KDM3A: variants seen among roughly 807,000 people sequenced by gnomAD.
KDM3A encodes the protein lysine-specific demethylase 3A.
In KDM3A, 60 loss-of-function variants were observed where a neutral mutation model predicts 158.0. The ratio of observed to expected loss-of-function variants is 0.38; its 90% CI spans 0.31 to 0.47. The LOEUF (loss-of-function observed/expected upper bound fraction) is 0.47, where lower values mean the gene tolerates loss of function less well. Ranked by LOEUF, KDM3A falls within the 20% of genes least tolerant of loss-of-function variation. KDM3A has a pLI of 0.99. For missense variants in KDM3A, 1,319 were observed against 1,574.3 expected (o/e 0.84, Z 2.74); for synonymous variants, 608 against 549.3 (o/e 1.11, Z -1.49).
At chr2:86,486,090 C>CATTGTAAAAT (rs1304481537) in intron 21 of KDM3A, among the ~76,000 whole-genome samples, 1 of 152,088 alleles carries the variant, frequency 6.6e-6, no homozygotes, top group African/African-American at 2.4e-5. Context: ...CTTTACTGTA[C>CATTGTAAAAT]CTAATTTTAC....
upstream of KDM3A, chr2:86,441,332 T>A (rs1227802791): frequency 6.6e-6 from 1 of 151,454 alleles, no homozygotes; most frequent in African/African-American, 2.4e-5. Context: ...GGGGGGCGGG[T>A]CCGGGAGGCT....
At position 86,464,138 on chromosome 2, in the gene KDM3A, C is replaced by G; in HGVS notation, c.929C>G (p.Pro310Arg). 1 of 1,612,920 alleles carries G rather than the reference C, an allele frequency of 6.2e-7. No homozygotes were observed. ...ILLGCTAATPPSKDPRQQSTP... is the reference protein window; with the variant it reads ...ILLGCTAATPRSKDPRQQSTP... ...CTTGGCTGTACTGCGGCAACTCCACCTAGTAAGGACCCAAGACAGCAAAGT... is the reference window on the plus strand; with the variant it reads ...CTTGGCTGTACTGCGGCAACTCCACGTAGTAAGGACCCAAGACAGCAAAGT... Residue 310 changes from proline to arginine, a missense_variant, in exon 9 of 26, where the codon CCT becomes CGT. By Grantham distance (103) the Pro-to-Arg change is moderately radical. Around this residue, in one of 4 missense-constraint regions of KDM3A, gnomAD observed 652 missense variants for 627.2 expected, o/e 1.04. Coordinates refer to ENST00000312912, the MANE Select transcript of KDM3A (RefSeq NM_018433.6).
intron 14 of KDM3A, 39 bp from the exon 15 acceptor site, chr2:86,478,569 A>T (rs755745789): frequency 6.2e-7 from 1 of 1,608,078 alleles, no homozygotes; most frequent in African/African-American, 1.3e-5. Context: ...AAAGTTCCTA[A>T]TATCCTTGTT....
intron 2 of KDM3A, among the ~76,000 whole-genome samples, chr2:86,445,756 C>T (rs569628936): frequency 2.6e-5 from 4 of 152,188 alleles, no homozygotes; most frequent in Admixed American, 1.3e-4. Context: ...GAAAAAACTT[C>T]TAGCACGGTA....
At chr2:86,479,157 T>G (rs1673806005) in intron 15 of KDM3A, 1 of 153,838 alleles carries the variant, frequency 6.5e-6, no homozygotes, top group Admixed American at 6.5e-5. Flanking sequence ...AATGATGAAA[T>G]GAACCTTTAG....
At chr2:86,455,937 G>A (rs1443997242) in intron 5 of KDM3A, among the ~76,000 whole-genome samples, 1 of 133,318 alleles carries the variant, frequency 7.5e-6, no homozygotes, top group African/African-American at 2.8e-5. Flanking sequence ...GCCTGGGTGA[G>A]AGCAAGACCC....
At position 86,492,321 on chromosome 2, in the gene KDM3A, T is replaced by G; in HGVS notation, c.*202T>G. The stretch of plus-strand genomic sequence containing the variant: ...GTAACTATTTACAGAACATGCATCC[T>G]TAAACTGTGACTTCTCACCTAGTGC... On this transcript the variant is annotated 3_prime_UTR_variant, in exon 26 of 26. Coordinates refer to ENST00000312912, the MANE Select transcript of KDM3A (RefSeq NM_018433.6). 1 of 499,406 alleles carries G rather than the reference T, an allele frequency of 2.0e-6. No individual in the cohort carries two copies. The highest frequency in any genetic ancestry group is 3.6e-6 in the Non-Finnish European group (1 of 279,118). 30.9% of individuals were successfully genotyped at this position (499,406 alleles called of 1,614,324 possible).
At chr2:86,490,793 T>C (rs1674416336) in intron 23 of KDM3A, 88 bp from the exon 24 acceptor site, 1 of 931,126 alleles carries the variant, frequency 1.1e-6, no homozygotes, top group African/African-American at 1.7e-5. Context: ...CTGACATTTA[T>C]GAACTGCCAA....
chr2:86,458,481 A>G (rs1672796692), intron 8 of KDM3A, among the ~76,000 whole-genome samples: 1 of 152,220 alleles, frequency 6.6e-6, no homozygotes, highest in Non-Finnish European at 1.5e-5. Flanking sequence ...TCCATCCAAG[A>G]AACCATAGTT....
chr2:86,478,778 C>A (rs758211157), intron 15 of KDM3A, 43 bp downstream of exon 15: 28 of 1,587,042 alleles, frequency 1.8e-5, no homozygotes, highest in African/African-American at 5.4e-5. Context: ...TTGTAATTGT[C>A]ATTTGTCTGT....
chr2:86,467,174 C>G (rs1452872028), intron 10 of KDM3A, among the ~76,000 whole-genome samples: 1 of 152,050 alleles, frequency 6.6e-6, no homozygotes, highest in Non-Finnish European at 1.5e-5. Flanking sequence ...TATTTTAAAG[C>G]AAGGATTCCA....
intron 2 of KDM3A, among the ~76,000 whole-genome samples, chr2:86,447,017 G>T (rs1050567490): frequency 6.6e-6 from 1 of 152,146 alleles, no homozygotes; most frequent in Non-Finnish European, 1.5e-5. Flanking sequence ...TCCCCACGTT[G>T]CCTTGGCTGG....
chr2:86,486,935 G>T (rs1427372561), intron 21 of KDM3A: 1 of 152,430 alleles, frequency 6.6e-6, no homozygotes, highest in African/African-American at 2.4e-5. Flanking sequence ...AGAAGACCCG[G>T]TGGGCACAAG....
At chr2:86,441,917 C>T (rs1230059887) in intron 1 of KDM3A, 101 bp from the exon 2 acceptor site, 2 of 931,760 alleles carry the variant, frequency 2.1e-6, no homozygotes, top group South Asian at 1.7e-5. Flanking sequence ...GGGCCGCGTC[C>T]TCGCGCGGGT....
chr2:86,459,702 G>C (rs1672848867), intron 8 of KDM3A, among the ~76,000 whole-genome samples: 1 of 152,044 alleles, frequency 6.6e-6, no homozygotes, highest in African/African-American at 2.4e-5. Flanking sequence ...GTAAAATGTG[G>C]GCATATAGAC....
At chr2:86,483,728 G>A (rs928836703) in intron 18 of KDM3A, 9 of 267,242 alleles carry the variant, frequency 3.4e-5, no homozygotes, top group Non-Finnish European at 6.4e-5. Context: ...TAAGTAATGA[G>A]ATCTTACTAG....
At chr2:86,474,742 T>TGTGTGTA in intron 11 of KDM3A, 34 bp from the exon 12 acceptor site, 36 of 1,083,096 alleles carry the variant, frequency 3.3e-5, no homozygotes, top group Non-Finnish European at 4.7e-5. Context: ...TGTGTGTGTG[T>TGTGTGTA]ACATTACATC....
chr2:86,466,692 C>T lies in KDM3A; in HGVS notation c.1328C>T (p.Ala443Val), dbSNP rs765006734. Residue 443 changes from alanine to valine, a missense_variant, in exon 10 of 26, where the codon GCA becomes GTA. Physicochemically the swap from Ala to Val is moderately conservative, Grantham distance 64. This residue lies in a region of KDM3A where 652 missense variants were observed against 627.2 expected (regional missense o/e 1.04). Coordinates refer to ENST00000312912, the MANE Select transcript of KDM3A (RefSeq NM_018433.6). The stretch of plus-strand genomic sequence containing the variant: ...GAACTGCAGAAGCACCTAGAACATG[C>T]ACCTTCCCCATCGGATGTTTCAAAT... ...PPELQKHLEH[A>V]PSPSDVSNAP... 5 of 1,613,898 alleles carry T rather than the reference C, an allele frequency of 3.1e-6. No homozygotes were observed. In the Admixed American group the frequency reaches 5.0e-5, roughly 16 times the overall value.
In KDM3A at chr2:86,442,121, G is replaced by T; in HGVS notation, c.74G>T (p.Gly25Val). The T allele has an allele frequency of 6.2e-7, 1 of 1,614,050 alleles. No homozygotes were observed. The highest frequency in any genetic ancestry group is 2.2e-5 in the East Asian group (1 of 44,882). ...TTTCTCAGTCTGTCCGCAGCCGACG[G>T]CAGCGATGGCAGCCACGACAGCTGG... ...RRFLSLSAAD[G>V]SDGSHDSWDV... Residue 25 changes from glycine (G) to valine (V), a missense_variant, in exon 2 of 26, where the codon GGC becomes GTC. Coordinates refer to ENST00000312912, the MANE Select transcript of KDM3A (RefSeq NM_018433.6).
Sources: allele counts gnomAD v4.1 joint callset (sites outside exome capture counted in the v4.1 genomes callset), GRCh38; gene constraint gnomAD v4.1.1; regional missense constraint gnomAD v4.1.1; transcripts MANE v1.5; gene names NCBI Gene and HGNC (gene_info 2026-07-23, HGNC 2026-07-21).